Variants in DSCAM observed in about 807,000 individuals in gnomAD.
DSCAM encodes cell adhesion molecule DSCAM.
A neutral mutation model predicts 217.7 loss-of-function variants in DSCAM; 47 were observed. That is an observed-to-expected ratio of 0.22 (90% CI 0.17 to 0.28). The LOEUF is 0.28. Ranked by LOEUF, DSCAM falls within the 10% of genes least tolerant of loss-of-function variation. The pLI is 1.00. For synonymous variants in DSCAM, 1,056 were observed against 1,015.3 expected (o/e 1.04, Z -0.76); for missense variants, 2,080 against 2,618.3 (o/e 0.79, Z 4.49).
In DSCAM at chr21:40,285,997, G is replaced by GCTCTAAACAACACA. The variant is rs1205583012; in HGVS notation, c.2183-9728_2183-9727insTGTGTTGTTTAGAG. Among the ~76,000 whole-genome samples, 5 of 152,214 alleles carry GCTCTAAACAACACA rather than the reference G, an allele frequency of 3.3e-5. No homozygotes were observed. In the East Asian group the frequency reaches 9.7e-4, roughly 29 times the overall value. ...TGGAAGAGGTCAAAACCATGGGTGTGGAGTCTTGGGGTGCTCTAAACAACA... is the reference window on the plus strand; with the variant it reads ...TGGAAGAGGTCAAAACCATGGGTGTGCTCTAAACAACACAGAGTCTTGGGGTGCTCTAAACAACA... On this transcript the variant is annotated intron_variant, in intron 10 of 32. Transcript: ENST00000400454.
chr21:40,224,603 A>C (rs1395625564), intron 11 of DSCAM, among the ~76,000 whole-genome samples: 1 of 152,254 alleles, frequency 6.6e-6, no homozygotes, highest in Non-Finnish European at 1.5e-5. Flanking sequence ...TTGCAAAAAG[A>C]GAATTCAATT....
At chr21:40,075,349 C>T in intron 26 of DSCAM, 136 bp from the exon 27 acceptor site, 2 of 935,366 alleles carry the variant, frequency 2.1e-6, no homozygotes, top group Admixed American at 5.8e-5. Context: ...AGAACTCTGT[C>T]TCTAGGCCCT....
chr21:40,538,040 G>A (rs1490217423), intron 3 of DSCAM, among the ~76,000 whole-genome samples: 3 of 152,172 alleles, frequency 2.0e-5, no homozygotes, highest in African/African-American at 7.2e-5. Context: ...AGTGAGCAGT[G>A]GAGCAAGAGA....
At chr21:40,351,610 T>C (rs777331181) in intron 5 of DSCAM, among the ~76,000 whole-genome samples, 3 of 151,980 alleles carry the variant, frequency 2.0e-5, no homozygotes, top group East Asian at 1.9e-4. Flanking sequence ...TGCCTTCCAA[T>C]AGAGAAGAGA....
Position 40,646,998 on chromosome 21 carries a change from AC to A in DSCAM, c.508+45811del, listed in dbSNP as rs555044768. Among the ~76,000 whole-genome samples, 370 of 152,352 alleles carry A rather than the reference AC, an allele frequency of 2.4e-3. 1 individual carries two copies. Among genetic ancestry groups the A allele is most frequent in the Non-Finnish European group, 4.1e-3 (281 of 68,022 alleles). Reference sequence around the variant, plus strand: ...CAAGAATTTATAACATCATAAAGACACAAAGTTGTTCAAATTTTGCTCTGGG... The same window carrying A: ...CAAGAATTTATAACATCATAAAGACAAAAGTTGTTCAAATTTTGCTCTGGG... On this transcript the variant is annotated intron_variant, in intron 3 of 32. Coordinates refer to ENST00000400454, the MANE Select transcript of DSCAM (RefSeq NM_001389.5).
Position 40,671,313 on chromosome 21 carries a change from A to AT in DSCAM, c.508+21496dup, listed in dbSNP as rs753285505. Among the ~76,000 whole-genome samples, 81 of 152,364 alleles carry AT rather than the reference A, an allele frequency of 5.3e-4. 1 individual carries two copies. Among genetic ancestry groups the AT allele is most frequent in the Admixed American group, 1.6e-3 (24 of 15,304 alleles). The stretch of plus-strand genomic sequence containing the variant: ...ACTGTAAAACTTATAAGGAGAACAG[A>AT]TAATTTCTTCAAAGGAAGAAAAGGC... On this transcript the variant is annotated intron_variant, in intron 3 of 32. Transcript: ENST00000400454.
chr21:40,172,080 C>A (rs561185920), intron 15 of DSCAM, among the ~76,000 whole-genome samples: 30 of 152,308 alleles, frequency 2.0e-4, no homozygotes, highest in African/African-American at 7.2e-4. Context: ...ACCAGCCTTG[C>A]CAACATGGTG....
intron 3 of DSCAM, among the ~76,000 whole-genome samples, chr21:40,416,432 A>C (rs2075372709): frequency 6.6e-6 from 1 of 152,194 alleles, no homozygotes; most frequent in South Asian, 2.1e-4. Flanking sequence ...TTTGGTGCTT[A>C]ATGGATGCTT....
At chr21:40,111,842 G>T (rs1000689816) in intron 20 of DSCAM, among the ~76,000 whole-genome samples, 1 of 151,900 alleles carries the variant, frequency 6.6e-6, no homozygotes, top group African/African-American at 2.4e-5. Context: ...ATGGTAAAGG[G>T]ATCAATTCAA....
chr21:40,823,654 T>C (rs1360562556), intron 1 of DSCAM, among the ~76,000 whole-genome samples: 1 of 152,218 alleles, frequency 6.6e-6, no homozygotes, highest in Non-Finnish European at 1.5e-5. Context: ...TAGATGGTGA[T>C]TGCTACAGTG....
rs114210684 is a variant in DSCAM, at chr21:40,678,323, G to A, written c.508+14487C>T. ...TAAGTGCTTAAATGACAGTAATGGAGAAATTTTCAACTGAACACAGAACTA... is the reference window on the plus strand; with the variant it reads ...TAAGTGCTTAAATGACAGTAATGGAAAAATTTTCAACTGAACACAGAACTA... On this transcript the variant is annotated intron_variant, in intron 3 of 32. Transcript: ENST00000400454. 6.7e-3 allele frequency among the ~76,000 whole-genome samples: 1,016 copies of A among 152,294 alleles called. 13 individuals carry two copies. The highest frequency in any genetic ancestry group is 0.023 in the African/African-American group (967 of 41,556).
At chr21:40,162,503 G>A (rs943197506) in intron 16 of DSCAM, among the ~76,000 whole-genome samples, 13 of 152,168 alleles carry the variant, frequency 8.5e-5, no homozygotes, top group East Asian at 1.9e-4. Context: ...TGGAAATAAG[G>A]CAGTTTTGTT....
At chr21:40,708,300 G>A (rs777646989) in intron 2 of DSCAM, among the ~76,000 whole-genome samples, 154 bp downstream of exon 2, 2 of 152,186 alleles carry the variant, frequency 1.3e-5, no homozygotes, top group African/African-American at 4.8e-5. Context: ...ATCTAAACAA[G>A]GAGACCTTAA....
At chr21:40,167,169 C>T (rs2090604443) in intron 16 of DSCAM, 49 bp downstream of exon 16, 4 of 1,572,882 alleles carry the variant, frequency 2.5e-6, no homozygotes, top group Non-Finnish European at 3.5e-6. Context: ...GAGTGAAGGG[C>T]TCGCCCTGGG....
chr21:40,289,720 C>T (rs553782484), intron 10 of DSCAM, among the ~76,000 whole-genome samples: 37 of 152,234 alleles, frequency 2.4e-4, no homozygotes, highest in Middle Eastern at 3.4e-3. Flanking sequence ...TGTAGGAAAG[C>T]GCATAGTATA....
chr21:40,531,972 C>T (rs2146110737), intron 3 of DSCAM, among the ~76,000 whole-genome samples: 1 of 152,296 alleles, frequency 6.6e-6, no homozygotes, highest in Non-Finnish European at 1.5e-5. Context: ...GTAGGCAGAG[C>T]TGGGGTCTGA....
intron 1 of DSCAM, among the ~76,000 whole-genome samples, chr21:40,773,415 T>C (rs2091463088): frequency 6.6e-6 from 1 of 152,192 alleles, no homozygotes; most frequent in South Asian, 2.1e-4. Context: ...CTTCTCCCTG[T>C]GTCTTCATGT....
At chr21:40,424,609 C>A (rs553228913) in intron 3 of DSCAM, among the ~76,000 whole-genome samples, 6 of 152,238 alleles carry the variant, frequency 3.9e-5, no homozygotes, top group Admixed American at 3.3e-4. Context: ...CTATTGTGGT[C>A]ATATGTTATG....
chr21:40,470,079 T>C (rs1041471079), intron 3 of DSCAM, among the ~76,000 whole-genome samples: 4 of 152,256 alleles, frequency 2.6e-5, no homozygotes, highest in Non-Finnish European at 4.4e-5. Flanking sequence ...CTTCTGAGTA[T>C]AGCACATCAA....
Sources: allele counts gnomAD v4.1 joint callset (sites outside exome capture counted in the v4.1 genomes callset), GRCh38; gene constraint gnomAD v4.1.1; transcripts MANE v1.5; gene names NCBI Gene and HGNC (gene_info 2026-07-23, HGNC 2026-07-21).